Variants in COL19A1 observed in about 807,000 individuals in gnomAD.
The protein encoded by COL19A1 is collagen alpha-1(XIX) chain.
A neutral mutation model predicts 190.2 loss-of-function variants in COL19A1; 159 were observed. The observed-to-expected ratio is 0.84, with a 90% confidence interval of 0.73 to 0.95. The LOEUF (loss-of-function observed/expected upper bound fraction) is 0.95. Ranked by LOEUF, COL19A1 falls within the 40% of genes least tolerant of loss-of-function variation. The pLI is 0.00. For missense variants in COL19A1, 1,418 were observed against 1,431.9 expected, an observed-to-expected ratio of 0.99 and a Z score of 0.16; for synonymous variants, 509 against 458.9, an observed-to-expected ratio of 1.11 and a Z score of -1.39.
intron 9 of COL19A1, among the ~76,000 whole-genome samples, chr6:69,947,740 T>C (rs979009047): frequency 6.6e-6 from 1 of 151,896 alleles, no homozygotes; most frequent in Non-Finnish European, 1.5e-5. Context: ...TTCAGACAGA[T>C]ATTTTTTCAG....
At chr6:70,003,892 G>A (rs1163220701) in intron 11 of COL19A1, among the ~76,000 whole-genome samples, 3 of 152,124 alleles carry the variant, frequency 2.0e-5, no homozygotes, top group African/African-American at 4.8e-5. Flanking sequence ...GTATTGTTAT[G>A]TGTGAATTTG....
At chr6:70,102,139 A>G in intron 15 of COL19A1, 30 bp from the exon 16 acceptor site, 2 of 1,569,828 alleles carry the variant, frequency 1.3e-6, no homozygotes, top group Non-Finnish European at 1.8e-6. Flanking sequence ...GAGTCACAGT[A>G]TTTATCATCT....
At chr6:70,207,011 A>G in intron 50 of COL19A1, 33 bp downstream of exon 50, 1 of 1,609,732 alleles carries the variant, frequency 6.2e-7, no homozygotes, top group Non-Finnish European at 8.5e-7. Flanking sequence ...AACACAAGCA[A>G]GCCTTTACAA....
intron 11 of COL19A1, among the ~76,000 whole-genome samples, chr6:70,022,099 C>T (rs1437473416): frequency 6.6e-6 from 1 of 151,974 alleles, no homozygotes; most frequent in South Asian, 2.1e-4. Context: ...AATGTATTAT[C>T]TATTAATATC....
intron 11 of COL19A1, among the ~76,000 whole-genome samples, chr6:69,992,725 G>T (rs190617882): frequency 6.6e-6 from 1 of 152,062 alleles, no homozygotes; most frequent in East Asian, 1.9e-4. Context: ...TACTCTGAAA[G>T]GGACAGTGTT....
At chr6:70,132,614 T>A (rs140358372) in intron 18 of COL19A1, among the ~76,000 whole-genome samples, 30 of 152,306 alleles carry the variant, frequency 2.0e-4, no homozygotes, top group African/African-American at 7.2e-4. Flanking sequence ...CGAACCCCAG[T>A]GCTTCTGAAT....
chr6:70,118,408 G>A (rs1469508585), intron 16 of COL19A1, among the ~76,000 whole-genome samples: 1 of 152,180 alleles, frequency 6.6e-6, no homozygotes, highest in Non-Finnish European at 1.5e-5. Context: ...CAGAGTAGAG[G>A]GGGACTTCCA....
chr6:70,098,011 A>G (rs1783389459), intron 15 of COL19A1, among the ~76,000 whole-genome samples: 2 of 152,128 alleles, frequency 1.3e-5, no homozygotes, highest in African/African-American at 4.8e-5. Context: ...CTTGTAATGA[A>G]TGGACCAAAA....
At chr6:69,909,698 G>A (rs1770783527) in intron 4 of COL19A1, among the ~76,000 whole-genome samples, 1 of 152,116 alleles carries the variant, frequency 6.6e-6, no homozygotes, top group Admixed American at 6.5e-5. Flanking sequence ...CAGGCAGTTT[G>A]ATTTTCTCTG....
intron 16 of COL19A1, among the ~76,000 whole-genome samples, chr6:70,109,049 A>T (rs1348439193): frequency 6.6e-6 from 1 of 152,138 alleles, no homozygotes; most frequent in Non-Finnish European, 1.5e-5. Flanking sequence ...GCAACAACAA[A>T]CTACAGATAA....
intron 16 of COL19A1, 127 bp from the exon 17 acceptor site, chr6:70,121,753 T>C (rs1784889883): frequency 1.6e-6 from 1 of 619,636 alleles, no homozygotes; most frequent in Non-Finnish European, 2.8e-6. Context: ...TTAATCAGAA[T>C]ATTTGACTAA....
chr6:70,049,941 TA>T (rs1233967935), intron 14 of COL19A1, among the ~76,000 whole-genome samples: 1 of 152,044 alleles, frequency 6.6e-6, no homozygotes, highest in Non-Finnish European at 1.5e-5. Flanking sequence ...TAAATGGAAC[TA>T]AAAAATGATT....
intron 16 of COL19A1, among the ~76,000 whole-genome samples, chr6:70,120,406 T>G (rs1201984984): frequency 1.3e-5 from 2 of 152,164 alleles, no homozygotes; most frequent in Admixed American, 6.5e-5. Context: ...AGGATCAACA[T>G]GTATGGAACT....
At position 70,142,049 on chromosome 6, in the gene COL19A1, T is replaced by A. The variant is rs764877326; in HGVS notation, c.1545T>A (p.Pro515=). Residue 515 remains proline, a synonymous_variant, in exon 22 of 51, where the codon CCT becomes CCA. Coordinates refer to ENST00000620364, the MANE Select transcript of COL19A1 (RefSeq NM_001858.6). ...VKGEPGDPGP[P]GLIGSPGLKG... ...GTGAACCTGGAGATCCCGGACCCCC[T>A]GGTTTAATAGGAAGCCCAGGACTAA... The A allele has an allele frequency of 1.2e-6, 2 of 1,612,242 alleles. No individual in the cohort carries two copies. The highest frequency in any genetic ancestry group is 2.2e-5 in the East Asian group (1 of 44,814).
intron 2 of COL19A1, among the ~76,000 whole-genome samples, chr6:69,889,458 T>C (rs1769175198): frequency 1.3e-5 from 2 of 152,214 alleles, no homozygotes; most frequent in Non-Finnish European, 2.9e-5. Context: ...CTGGACTTCC[T>C]GGGTCAAGTG....
At chr6:69,975,092 C>T (rs1290783135) in intron 11 of COL19A1, among the ~76,000 whole-genome samples, 10 of 152,074 alleles carry the variant, frequency 6.6e-5, no homozygotes, top group African/African-American at 1.7e-4. Flanking sequence ...GGATTATAGG[C>T]GTGAGCCACC....
intron 2 of COL19A1, among the ~76,000 whole-genome samples, chr6:69,894,214 G>A (rs1297631083): frequency 6.6e-6 from 1 of 152,154 alleles, no homozygotes; most frequent in Non-Finnish European, 1.5e-5. Flanking sequence ...TCAATTATGT[G>A]TTATAATAGT....
chr6:70,162,956 T>C lies in COL19A1; in HGVS notation c.2347-387T>C, dbSNP rs115518824. On this transcript the variant is annotated intron_variant, in intron 35 of 50. Transcript: ENST00000620364. The stretch of plus-strand genomic sequence containing the variant: ...GTAAAATGCAGATCATAGAACTCAA[T>C]ATGCACACTGTTAATTCTGCCGCCT... 5.0e-3 allele frequency among the ~76,000 whole-genome samples: 765 copies of C among 152,316 alleles called. 4 individuals are homozygous for C. Among genetic ancestry groups the C allele is most frequent in the African/African-American group, 0.016 (654 of 41,588 alleles).
At chr6:70,164,298 A>C (rs1787995032) in intron 36 of COL19A1, among the ~76,000 whole-genome samples, 1 of 152,156 alleles carries the variant, frequency 6.6e-6, no homozygotes, top group Non-Finnish European at 1.5e-5. Context: ...GCTCTATTGT[A>C]CTAGTCCAGG....
Sources: gnomAD v4.1 joint callset for allele counts (sites outside exome capture counted in the v4.1 genomes callset) on GRCh38, gnomAD v4.1.1 for gene constraint, MANE v1.5 for transcripts, NCBI Gene and HGNC (gene_info 2026-07-23, HGNC 2026-07-21) for gene names.